MTHFD1L: variants seen among roughly 807,000 people sequenced by gnomAD.
MTHFD1L encodes monofunctional C1-tetrahydrofolate synthase, mitochondrial.
Under a neutral mutation model 119.5 loss-of-function variants are expected in MTHFD1L, and 81 were observed. The observed-to-expected ratio is 0.68, with a 90% CI of 0.57 to 0.82. The LOEUF is 0.82. Ranked by LOEUF, MTHFD1L falls within the 40% of genes least tolerant of loss-of-function variation. The pLI is 0.00. For synonymous variants in MTHFD1L, 430 were observed against 475.2 expected (o/e 0.90, Z 1.24); for missense variants, 1,125 against 1,253.4 (o/e 0.90, Z 1.55).
intron 13 of MTHFD1L, among the ~76,000 whole-genome samples, chr6:150,941,113 A>C (rs573998588): frequency 4.6e-5 from 7 of 152,200 alleles, no homozygotes; most frequent in Non-Finnish European, 1.0e-4. Context: ...TGGGCTGAGG[A>C]ATTGAAAGTG....
At chr6:151,071,856 T>TG (rs1180071008) in intron 26 of MTHFD1L, among the ~76,000 whole-genome samples, 1 of 149,176 alleles carries the variant, frequency 6.7e-6, no homozygotes, top group Admixed American at 6.7e-5. Context: ...TTTTTTTTTT[T>TG]TTTGAGTTGG....
At chr6:150,925,211 A>G (rs1232817792) in intron 10 of MTHFD1L, among the ~76,000 whole-genome samples, 1 of 152,170 alleles carries the variant, frequency 6.6e-6, no homozygotes. Context: ...GAGTGAAGGA[A>G]TAGCTGTCCT....
intron 10 of MTHFD1L, among the ~76,000 whole-genome samples, chr6:150,923,533 A>ATTTATTTATTTATTTTTTTT (rs1411950846): frequency 1.6e-4 from 16 of 100,712 alleles, no homozygotes; most frequent in Non-Finnish European, 2.8e-4. Context: ...TTATTTATTT[A>ATTTATTTATTTATTTTTTTT]TTTATTTTTT....
At chr6:151,015,126 T>G (rs1782841030) in intron 23 of MTHFD1L, 146 bp downstream of exon 23, 1 of 668,010 alleles carries the variant, frequency 1.5e-6, no homozygotes, top group African/African-American at 1.9e-5. Flanking sequence ...TTATTTGGTT[T>G]GGTTTCATTT....
intron 1 of MTHFD1L, among the ~76,000 whole-genome samples, chr6:150,868,796 T>A (rs1778893287): frequency 6.6e-6 from 1 of 152,166 alleles, no homozygotes; most frequent in Admixed American, 6.5e-5. Context: ...GGCACCATGG[T>A]TCATGCCTGT....
chr6:151,031,917 TAGTC>T lies in MTHFD1L; in HGVS notation c.2587-2573_2587-2570del, dbSNP rs1471535827. Reference sequence around the variant, plus strand: ...TTCTCTCCAGCCAAAAGTCAGATGGTAGTCAGCCTTTCTCTGTTGATTTGTGTCA... The same window carrying T: ...TTCTCTCCAGCCAAAAGTCAGATGGTAGCCTTTCTCTGTTGATTTGTGTCA... On this transcript the variant is annotated intron_variant, in intron 24 of 27. Coordinates refer to ENST00000367321, the MANE Select transcript of MTHFD1L (RefSeq NM_015440.5). 5.9e-5 allele frequency among the ~76,000 whole-genome samples: 9 copies of T among 152,192 alleles called. No individual in the cohort carries two copies. In the East Asian group the frequency reaches 1.7e-3, roughly 29 times the overall value.
rs1273851891 is a variant in MTHFD1L at position 150,865,860 on chromosome 6, G to A, written c.38G>A (p.Arg13His). Residue 13 changes from arginine (R) to histidine (H), a missense_variant, in exon 1 of 28, where the codon CGC (arginine) becomes CAC (histidine). By Grantham distance (29) the Arg-to-His change is conservative (BLOSUM62 0). Transcript: ENST00000367321. The stretch of plus-strand genomic sequence containing the variant: ...CTGCCGCTCGTCCTGCGCCAGCTCC[G>A]CCGCCCGCCCCAGCCCCCGGGCCCT... ...TRLPLVLRQL[R>H]RPPQPPGPPR... 5 of 1,218,282 alleles carry A rather than the reference G, an allele frequency of 4.1e-6. No individual in the cohort carries two copies. Among genetic ancestry groups the A allele is most frequent in the Admixed American group, 4.1e-5 (1 of 24,568 alleles). 75.5% of individuals were successfully genotyped at this position (1,218,282 alleles called of 1,614,324 possible). A position where few individuals can be genotyped will look rare whatever the true frequency, so the allele number is the denominator to read the frequency against.
chr6:151,096,104 T>C (rs549246818), intron 27 of MTHFD1L, among the ~76,000 whole-genome samples: 5 of 152,314 alleles, frequency 3.3e-5, no homozygotes, highest in African/African-American at 1.2e-4. Flanking sequence ...AAAATGAACT[T>C]TGGCCCATTC....
intron 18 of MTHFD1L, among the ~76,000 whole-genome samples, chr6:150,962,914 C>CTTTTT (rs4035893): frequency 9.2e-4 from 105 of 114,112 alleles, no homozygotes; most frequent in East Asian, 1.8e-3. Context: ...CTTTTCTTTT[C>CTTTTT]TTTTTTTTTT....
At chr6:151,003,700 C>G (rs1780959463) in intron 20 of MTHFD1L, among the ~76,000 whole-genome samples, 1 of 152,116 alleles carries the variant, frequency 6.6e-6, no homozygotes, top group African/African-American at 2.4e-5. Context: ...ACACTAGGCA[C>G]AATCGTAGGG....
chr6:150,957,899 T>C (rs559401601), intron 17 of MTHFD1L, among the ~76,000 whole-genome samples: 1 of 152,312 alleles, frequency 6.6e-6, no homozygotes. Context: ...TGCCAACTGT[T>C]GGCATTAGTT....
At chr6:150,867,361 T>C (rs1583267612) in intron 1 of MTHFD1L, among the ~76,000 whole-genome samples, 1 of 152,268 alleles carries the variant, frequency 6.6e-6, no homozygotes, top group East Asian at 1.9e-4. Context: ...CCGGATTATT[T>C]TATTTTATTT....
intron 26 of MTHFD1L, among the ~76,000 whole-genome samples, chr6:151,081,325 A>G (rs891994342): frequency 6.6e-6 from 1 of 151,914 alleles, no homozygotes; most frequent in African/African-American, 2.4e-5. Context: ...TCCCAAGAAA[A>G]CCATAAAGGG....
chr6:150,969,948 C>T (rs534447275), intron 19 of MTHFD1L, among the ~76,000 whole-genome samples: 6 of 152,274 alleles, frequency 3.9e-5, no homozygotes, highest in South Asian at 2.1e-4. Context: ...TATTTGCAGA[C>T]GTGAACTCTT....
intron 20 of MTHFD1L, among the ~76,000 whole-genome samples, chr6:150,984,004 T>G (rs1342942727): frequency 6.6e-6 from 1 of 152,096 alleles, no homozygotes; most frequent in African/African-American, 2.4e-5. Context: ...ACTCCTGAGC[T>G]CAAGTGATCG....
chr6:150,990,395 T>C (rs1778897576), intron 20 of MTHFD1L, among the ~76,000 whole-genome samples: 2 of 152,200 alleles, frequency 1.3e-5, no homozygotes, highest in East Asian at 3.8e-4. Context: ...TGGAGTGTCC[T>C]GAGATAGATT....
At chr6:151,080,427 AGAG>A (rs898755858) in intron 26 of MTHFD1L, among the ~76,000 whole-genome samples, 27 of 152,178 alleles carry the variant, frequency 1.8e-4, no homozygotes, top group Non-Finnish European at 3.7e-4. Flanking sequence ...AGGAGAGGGC[AGAG>A]GAGGAGGGAC....
chr6:150,980,942 T>C (rs1317175170), intron 20 of MTHFD1L, among the ~76,000 whole-genome samples: 1 of 152,090 alleles, frequency 6.6e-6, no homozygotes, highest in African/African-American at 2.4e-5. Flanking sequence ...TCGTGACCAT[T>C]AATGGCCCAG....
intron 26 of MTHFD1L, among the ~76,000 whole-genome samples, chr6:151,080,038 G>A (rs191699805): frequency 1.3e-4 from 20 of 151,826 alleles, no homozygotes; most frequent in Admixed American, 5.2e-4. Context: ...ATAGCTGGGC[G>A]TGGTAGTGCA....
Sources: allele counts gnomAD v4.1 joint callset (sites outside exome capture counted in the v4.1 genomes callset), GRCh38; gene constraint gnomAD v4.1.1; transcripts MANE v1.5; gene names NCBI Gene and HGNC (gene_info 2026-07-23, HGNC 2026-07-21).